Variants in GPR39 observed in about 807,000 individuals in gnomAD.
The protein encoded by GPR39 is zinc sensing receptor.
Under a neutral mutation model 18.4 loss-of-function variants are expected in GPR39, and 23 were observed. That is an observed-to-expected ratio of 1.25 (90% CI 0.90 to 1.77). The LOEUF is 1.77. Ranked by LOEUF, GPR39 falls within the 40% of genes most tolerant of loss-of-function variation. GPR39 has a pLI of 0.00. For synonymous variants in GPR39, 280 were observed against 257.9 expected (o/e 1.09, Z -0.82); for missense variants, 647 against 602.4 (o/e 1.07, Z -0.78).
Position 132,425,618 on chromosome 2 carries a change from GTAAT to G in GPR39, c.856+7724_856+7727del, listed in dbSNP as rs778591925. 2.6e-5 allele frequency among the ~76,000 whole-genome samples: 4 copies of G among 152,310 alleles called. No individual in the cohort carries two copies. In the East Asian group the frequency reaches 7.7e-4, roughly 29 times the overall value. ...TAATCTAGTGCTGCAAGGAAGGAAA[GTAAT>G]TAAGTTCCCAAATCTGTTGACCTTA... On this transcript the variant is annotated intron_variant, in intron 1 of 1. Transcript: ENST00000329321.
chr2:132,621,765 A>G (rs950354535), intron 1 of GPR39, among the ~76,000 whole-genome samples: 1 of 152,292 alleles, frequency 6.6e-6, no homozygotes, highest in South Asian at 2.1e-4. Context: ...GGGTTCAGTG[A>G]TGTCCATCTT....
In GPR39 at chr2:132,417,823, A is replaced by T. The variant is rs1679938589; in HGVS notation, c.781A>T (p.Thr261Ser). 6.2e-7 allele frequency: 1 copy of T among 1,613,802 alleles called. No homozygotes were observed. Among genetic ancestry groups the T allele is most frequent in the South Asian group, 1.1e-5 (1 of 91,084 alleles). Residue 261 changes from threonine (T) to serine (S), a missense_variant, in exon 1 of 2, where the codon ACG (threonine) becomes TCG (serine). Transcript: ENST00000329321. ...CCAGAAGGGCTCGCTGGCCGGGGGC[A>T]CGCGGCCTCCGCAGCTGAGGAAGTC... ...KSQKGSLAGG[T>S]RPPQLRKSES...
At chr2:132,598,133 G>A (rs1680979147) in intron 1 of GPR39, among the ~76,000 whole-genome samples, 2 of 152,218 alleles carry the variant, frequency 1.3e-5, no homozygotes, top group African/African-American at 4.8e-5. Flanking sequence ...CCAGCTCAAA[G>A]GCAGGAGGAT....
At chr2:132,641,571 T>C (rs1288863367) in intron 1 of GPR39, among the ~76,000 whole-genome samples, 1 of 152,214 alleles carries the variant, frequency 6.6e-6, no homozygotes, top group Admixed American at 6.5e-5. Flanking sequence ...AAACCTATAC[T>C]GGGTTTCAAT....
chr2:132,586,023 C>T (rs957267103), intron 1 of GPR39, among the ~76,000 whole-genome samples: 1 of 140,358 alleles, frequency 7.1e-6, no homozygotes, highest in Non-Finnish European at 1.5e-5. Flanking sequence ...CATTAACACT[C>T]CCATTTGTGG....
rs1374991617 is a variant in GPR39 at position 132,577,193 on chromosome 2, C to CA, written c.857-67902dup. ...GCAACACGGTGAAACCCCATCTCTACAAAAAATACAAAAATTAACCAGGTG... is the reference window on the plus strand; with the variant it reads ...GCAACACGGTGAAACCCCATCTCTACAAAAAAATACAAAAATTAACCAGGTG... On this transcript the variant is annotated intron_variant, in intron 1 of 1. Transcript: ENST00000329321. Among the ~76,000 whole-genome samples, 4 of 151,930 alleles carry CA rather than the reference C, an allele frequency of 2.6e-5. No homozygotes were observed. In the East Asian group the frequency reaches 5.8e-4, roughly 22 times the overall value.
At chr2:132,620,207 A>G (rs1034703109) in intron 1 of GPR39, among the ~76,000 whole-genome samples, 1 of 152,120 alleles carries the variant, frequency 6.6e-6, no homozygotes, top group African/African-American at 2.4e-5. Flanking sequence ...ATGAAAGTTG[A>G]TAAATACCCA....
intron 1 of GPR39, among the ~76,000 whole-genome samples, chr2:132,501,022 A>C (rs1188853224): frequency 6.8e-6 from 1 of 147,578 alleles, no homozygotes; most frequent in Non-Finnish European, 1.5e-5. Flanking sequence ...ATCTTTTTAA[A>C]GAACCAAGTT....
intron 1 of GPR39, among the ~76,000 whole-genome samples, chr2:132,479,029 TC>T (rs1431990604): frequency 2.0e-5 from 3 of 152,162 alleles, no homozygotes; most frequent in African/African-American, 7.2e-5. Context: ...AAACCTTCTT[TC>T]CCCACTTCTC....
chr2:132,519,360 T>G (rs1679385702), intron 1 of GPR39, among the ~76,000 whole-genome samples: 1 of 152,194 alleles, frequency 6.6e-6, no homozygotes, highest in Non-Finnish European at 1.5e-5. Flanking sequence ...TACTGTTGCT[T>G]TGACATCAAA....
chr2:132,621,177 A>G (rs968805513), intron 1 of GPR39, among the ~76,000 whole-genome samples: 1 of 152,088 alleles, frequency 6.6e-6, no homozygotes, highest in Non-Finnish European at 1.5e-5. Context: ...CCATCCCTAG[A>G]GTCCCTCTCC....
intron 1 of GPR39, among the ~76,000 whole-genome samples, chr2:132,526,536 C>T (rs1679512201): frequency 6.6e-6 from 1 of 152,238 alleles, no homozygotes; most frequent in Non-Finnish European, 1.5e-5. Flanking sequence ...GTGAGAAACA[C>T]AGCTCAGCAT....
intron 1 of GPR39, among the ~76,000 whole-genome samples, chr2:132,605,408 C>T (rs954695106): frequency 5.3e-5 from 8 of 151,890 alleles, no homozygotes; most frequent in African/African-American, 1.9e-4. Context: ...GCCCATTAGT[C>T]TGCTCAGTGG....
chr2:132,437,184 C>G (rs928170726), intron 1 of GPR39, among the ~76,000 whole-genome samples: 2 of 152,150 alleles, frequency 1.3e-5, no homozygotes, highest in African/African-American at 4.8e-5. Flanking sequence ...GTGCACACAC[C>G]CGCACAGGCA....
At chr2:132,574,060 A>T (rs1023949016) in intron 1 of GPR39, among the ~76,000 whole-genome samples, 1 of 152,214 alleles carries the variant, frequency 6.6e-6, no homozygotes, top group Non-Finnish European at 1.5e-5. Context: ...TTGTAAACCA[A>T]TGCCATTTTT....
chr2:132,447,055 CT>C (rs994335101), intron 1 of GPR39, among the ~76,000 whole-genome samples: 1 of 152,172 alleles, frequency 6.6e-6, no homozygotes, highest in Non-Finnish European at 1.5e-5. Context: ...AAGAGAGCTG[CT>C]GAATTTTGCA....
At chr2:132,499,213 TC>T (rs1249466583) in intron 1 of GPR39, among the ~76,000 whole-genome samples, 1 of 152,230 alleles carries the variant, frequency 6.6e-6, no homozygotes, top group Non-Finnish European at 1.5e-5. Context: ...AAGTCTTTGA[TC>T]CATCTTGAGT....
chr2:132,601,093 AGAGGCAGGAATTCTTCCTAATT>A (rs1485762353), intron 1 of GPR39, among the ~76,000 whole-genome samples: 42 of 152,196 alleles, frequency 2.8e-4, no homozygotes, highest in Non-Finnish European at 2.8e-4. Context: ...CCAAAATTGA[AGAGGCAGGAATTCTTCCTAATT>A]GATTTTATGA....
intron 1 of GPR39, among the ~76,000 whole-genome samples, chr2:132,498,398 T>G (rs143910034): frequency 9.8e-5 from 15 of 152,368 alleles, no homozygotes; most frequent in African/African-American, 3.6e-4. Flanking sequence ...GGTTGCTGCA[T>G]ATGCCATTAA....
Sources: allele counts gnomAD v4.1 joint callset (sites outside exome capture counted in the v4.1 genomes callset), GRCh38; gene constraint gnomAD v4.1.1; transcripts MANE v1.5; gene names NCBI Gene and HGNC (gene_info 2026-07-23, HGNC 2026-07-21).